The following GPC5 variants were observed in gnomAD, a reference collection of about 807,000 sequenced individuals.
The protein encoded by GPC5 is glypican 5, also known as glypican-5.
In GPC5, 47 loss-of-function variants were observed where a neutral mutation model predicts 53.9. The ratio of observed to expected loss-of-function variants is 0.87; its 90% CI spans 0.69 to 1.11. The LOEUF is 1.11. Among genes scored for constraint, GPC5 ranks in the 50% most tolerant of loss-of-function variants. The probability of loss-of-function intolerance (pLI) is 0.00; values close to 1 mark genes in which losing one functional copy is unlikely to be tolerated. For missense variants in GPC5, 748 were observed against 713.1 expected, an observed-to-expected ratio of 1.05 and a Z score of -0.56; for synonymous variants, 286 against 263.3, an observed-to-expected ratio of 1.09 and a Z score of -0.84.
chr13:91,903,389 G>T (rs2039519169), intron 5 of GPC5, among the ~76,000 whole-genome samples: 1 of 151,972 alleles, frequency 6.6e-6, no homozygotes, highest in Non-Finnish European at 1.5e-5. Flanking sequence ...AATATTGTTG[G>T]GTATATGCCC....
chr13:92,864,584 G>T (rs571995418), intron 7 of GPC5, among the ~76,000 whole-genome samples: 11 of 151,906 alleles, frequency 7.2e-5, no homozygotes, highest in African/African-American at 2.7e-4. Context: ...ATTTTTAATT[G>T]CCTGGAGTCC....
chr13:92,389,467 A>G (rs1035929250), intron 7 of GPC5, among the ~76,000 whole-genome samples: 1 of 152,122 alleles, frequency 6.6e-6, no homozygotes, highest in African/African-American at 2.4e-5. Flanking sequence ...ATCATGTATC[A>G]TGGAATCAAG....
intron 5 of GPC5, among the ~76,000 whole-genome samples, chr13:91,851,937 T>C (rs2038918749): frequency 6.7e-6 from 1 of 149,692 alleles, no homozygotes; most frequent in Admixed American, 6.7e-5. Context: ...TCTTTGCTAT[T>C]GTGAATAATG....
At chr13:91,718,256 G>C (rs898787850) in intron 3 of GPC5, among the ~76,000 whole-genome samples, 2 of 152,022 alleles carry the variant, frequency 1.3e-5, no homozygotes, top group African/African-American at 4.8e-5. Context: ...GACTACAGGC[G>C]TCTGCCACCA....
chr13:91,670,988 C>T (rs2035231272), intron 2 of GPC5, among the ~76,000 whole-genome samples: 1 of 152,192 alleles, frequency 6.6e-6, no homozygotes, highest in Admixed American at 6.5e-5. Context: ...TTTTACTCTT[C>T]ATGTTTGACA....
At chr13:92,129,050 A>G (rs1017955764) in intron 6 of GPC5, among the ~76,000 whole-genome samples, 3 of 152,318 alleles carry the variant, frequency 2.0e-5, no homozygotes, top group Non-Finnish European at 4.4e-5. Context: ...GCCTGCCTCA[A>G]AAACATGGCC....
rs1566446337 is a variant in GPC5 at position 92,125,923 on chromosome 13, G to GTTTTTTTTTTTTTTTTTTTTT, written c.1402-18907_1402-18906insTTTTTTTTTTTTTTTTTTTTT. 7.2e-5 allele frequency among the ~76,000 whole-genome samples: 3 copies of GTTTTTTTTTTTTTTTTTTTTT among 41,536 alleles called. 1 individual carries two copies. Among genetic ancestry groups the GTTTTTTTTTTTTTTTTTTTTT allele is most frequent in the Admixed American group, 5.9e-4 (2 of 3,418 alleles). The allele number at this position is 41,536 out of a possible 152,430, so 27.2% of individuals were successfully genotyped here. ...ATTAGAAAGGAAACATTTGTTTTTT[G>GTTTTTTTTTTTTTTTTTTTTT]GTTTTTTTTTTTTTTTTTTTTTTTT... On this transcript the variant is annotated intron_variant, in intron 6 of 7. Transcript: ENST00000377067.
intron 7 of GPC5, among the ~76,000 whole-genome samples, chr13:92,271,083 C>T (rs920184745): frequency 1.3e-5 from 2 of 150,328 alleles, no homozygotes; most frequent in African/African-American, 2.5e-5. Flanking sequence ...CTATTGTTTC[C>T]AGGGCGCCCA....
chr13:91,971,316 C>T (rs1397703388), intron 6 of GPC5, among the ~76,000 whole-genome samples: 1 of 151,676 alleles, frequency 6.6e-6, no homozygotes, highest in Non-Finnish European at 1.5e-5. Context: ...GGTGATATCC[C>T]CTTTATCATT....
At chr13:92,155,697 T>G (rs2041939483) in intron 7 of GPC5, among the ~76,000 whole-genome samples, 1 of 152,164 alleles carries the variant, frequency 6.6e-6, no homozygotes. Flanking sequence ...TTAGTGGTGC[T>G]TTTTTGCTTT....
chr13:92,521,898 C>T (rs1422968374), intron 7 of GPC5, among the ~76,000 whole-genome samples: 2 of 152,056 alleles, frequency 1.3e-5, no homozygotes, highest in Non-Finnish European at 2.9e-5. Context: ...GGCTAATATC[C>T]AGAATCTACA....
In GPC5 at chr13:92,356,114, G is replaced by C. The variant is rs2043519811; in HGVS notation, c.1561+211125G>C. 2.0e-5 allele frequency among the ~76,000 whole-genome samples: 3 copies of C among 151,896 alleles called. No homozygotes were observed. The South Asian group carries it at 6.2e-4, about 32-fold the overall frequency. On this transcript the variant is annotated intron_variant, in intron 7 of 7. Coordinates refer to ENST00000377067, the MANE Select transcript of GPC5 (RefSeq NM_004466.6). ...CCTGCTCGTTTCCAAAGTCCTACCT[G>C]GCCAGAACTATCCAGTGTACTCCTA...
chr13:92,587,208 G>A (rs77337914), intron 7 of GPC5, among the ~76,000 whole-genome samples: 1,830 of 152,126 alleles, frequency 0.012, 40 homozygotes, highest in African/African-American at 0.042. Flanking sequence ...TCCTTCAGTA[G>A]TATGAATTGG....
intron 7 of GPC5, among the ~76,000 whole-genome samples, chr13:92,338,257 A>G (rs1254933400): frequency 1.3e-5 from 2 of 152,132 alleles, no homozygotes; most frequent in African/African-American, 4.8e-5. Flanking sequence ...ATATATACGT[A>G]TTAGAATGGT....
chr13:92,145,184 A>C (rs1374734084), intron 7 of GPC5, among the ~76,000 whole-genome samples, 195 bp downstream of exon 7: 2 of 152,160 alleles, frequency 1.3e-5, no homozygotes, highest in African/African-American at 2.4e-5. Flanking sequence ...AATGACTTCT[A>C]ATGAAATGAT....
chr13:92,440,353 G>A (rs529666488), intron 7 of GPC5, among the ~76,000 whole-genome samples: 1 of 152,264 alleles, frequency 6.6e-6, no homozygotes, highest in Admixed American at 6.5e-5. Flanking sequence ...AATGTGTGGT[G>A]TTTGGTTTTT....
At chr13:91,993,602 C>G (rs1275296958) in intron 6 of GPC5, among the ~76,000 whole-genome samples, 2 of 152,166 alleles carry the variant, frequency 1.3e-5, no homozygotes, top group Non-Finnish European at 1.5e-5. Flanking sequence ...ATGTGTGTGT[C>G]TGTGTGTGTG....
chr13:91,534,921 C>G (rs1466071427), intron 2 of GPC5, among the ~76,000 whole-genome samples: 2 of 152,138 alleles, frequency 1.3e-5, no homozygotes, highest in Non-Finnish European at 2.9e-5. Context: ...GGCCAGGATG[C>G]TCTTTTATAA....
chr13:92,711,177 G>C (rs566819256), intron 7 of GPC5, among the ~76,000 whole-genome samples: 2 of 152,242 alleles, frequency 1.3e-5, no homozygotes, highest in East Asian at 1.9e-4. Flanking sequence ...AATCATAAGA[G>C]TTGCAAGTAA....
Sources: allele counts gnomAD v4.1 joint callset (sites outside exome capture counted in the v4.1 genomes callset), GRCh38; gene constraint gnomAD v4.1.1; transcripts MANE v1.5; gene names NCBI Gene and HGNC (gene_info 2026-07-23, HGNC 2026-07-21).